Variants in ZNF705D observed in about 807,000 individuals in gnomAD.
ZNF705D encodes putative zinc finger protein 705C.
For missense variants in ZNF705D, 6 were observed against 129.4 expected (o/e 0.05, Z 4.63); for synonymous variants, 1 against 43.8 (o/e 0.02, Z 3.86).
the ZNF705D span, among the ~76,000 whole-genome samples, chr8:12,091,795 T>G: frequency 7.4e-4 from 20 of 26,910 alleles, 2 homozygotes; most frequent in Non-Finnish European, 1.1e-3. Flanking sequence ...ATTTTTTTTT[T>G]TTTGTTTTTT....
At chr8:12,113,110 TTGTCTTCTA>T in exon 5 of ZNF705D, 1 of 1,418,234 alleles carries the variant, frequency 7.1e-7, no homozygotes, top group Non-Finnish European at 9.6e-7. Context: ...AACCACATGC[TTGTCTTCTA>T]TGTGGGAAGG....
the ZNF705D span, among the ~76,000 whole-genome samples, chr8:12,090,068 A>G: frequency 0.47 from 33,796 of 72,218 alleles, 14,671 homozygotes; most frequent in Non-Finnish European, 0.84. Context: ...AGTTCTGGCC[A>G]GGAGGCTTCC....
At chr8:12,090,741 C>T in the ZNF705D span, among the ~76,000 whole-genome samples, 8 of 55,212 alleles carry the variant, frequency 1.4e-4, 4 homozygotes, top group East Asian at 0.058. Flanking sequence ...GGATCTTTGT[C>T]GAATGCATAG....
the ZNF705D span, among the ~76,000 whole-genome samples, chr8:12,097,546 CAGAG>C: frequency 4.7e-5 from 7 of 147,436 alleles, no homozygotes; most frequent in African/African-American, 2.4e-5. Flanking sequence ...ACCTGCGTGA[CAGAG>C]TTATTCATAC....
the ZNF705D span, among the ~76,000 whole-genome samples, chr8:12,091,821 G>A: frequency 4.4e-5 from 1 of 22,934 alleles, no homozygotes; most frequent in African/African-American, 8.6e-5. Flanking sequence ...TAGTAGAGAT[G>A]GAGTTTCTCC....
upstream of ZNF705D, among the ~76,000 whole-genome samples, chr8:12,107,341 G>A (rs1322711463): frequency 0.025 from 1,376 of 54,048 alleles, 109 homozygotes; most frequent in African/African-American, 0.066. Flanking sequence ...TCACTCTGTC[G>A]CCATCGCTGG....
chr8:12,090,681 G>GT, the ZNF705D span, among the ~76,000 whole-genome samples: 26 of 28,224 alleles, frequency 9.2e-4, 3 homozygotes, highest in Admixed American at 3.4e-3. Flanking sequence ...ATTTTTAAAG[G>GT]TTTTTTTTTT....
the ZNF705D span, among the ~76,000 whole-genome samples, chr8:12,097,596 C>A: frequency 1.4e-5 from 2 of 144,542 alleles, no homozygotes; most frequent in Non-Finnish European, 3.1e-5. Context: ...ACCCATGTAA[C>A]AAATCACACA....
chr8:12,090,164 CG>C, the ZNF705D span, among the ~76,000 whole-genome samples: 4 of 89,054 alleles, frequency 4.5e-5, no homozygotes, highest in African/African-American at 1.1e-4. Context: ...GCCACCCCCC[CG>C]ATGGATGTCT....
intron 2 of ZNF705D, among the ~76,000 whole-genome samples, 155 bp downstream of exon 4, chr8:12,110,181 T>G (rs1231269458): frequency 6.3e-5 from 1 of 15,868 alleles, no homozygotes; most frequent in Non-Finnish European, 2.2e-4. Flanking sequence ...AAATCTATCT[T>G]AAATAAATAT....
the ZNF705D span, among the ~76,000 whole-genome samples, chr8:12,091,790 T>G: frequency 7.6e-5 from 2 of 26,428 alleles, 1 homozygote; most frequent in African/African-American, 1.5e-4. Context: ...TTTGTATTTT[T>G]TTTTTTTTGT....
intron 2 of ZNF705D, among the ~76,000 whole-genome samples, chr8:12,110,530 G>T (rs1466249788): frequency 1.2e-4 from 2 of 16,894 alleles, no homozygotes; most frequent in African/African-American, 1.9e-4. Flanking sequence ...TGTGTATTAT[G>T]CATTGTGTCT....
At chr8:12,090,137 T>C in the ZNF705D span, among the ~76,000 whole-genome samples, 2 of 90,506 alleles carry the variant, frequency 2.2e-5, no homozygotes, top group African/African-American at 5.5e-5. Flanking sequence ...TGTGAAGTTT[T>C]ACCCCCTGCT....
chr8:12,090,009 T>C, the ZNF705D span, among the ~76,000 whole-genome samples: 2 of 62,970 alleles, frequency 3.2e-5, 1 homozygote, highest in Non-Finnish European at 9.0e-5. Context: ...TGGGCTTCAG[T>C]TCTTACCCCG....
At chr8:12,095,734 G>T in the ZNF705D span, among the ~76,000 whole-genome samples, 3 of 13,294 alleles carry the variant, frequency 2.3e-4, no homozygotes, top group African/African-American at 4.5e-4. Flanking sequence ...ATCTCTTTTG[G>T]CTCATCTCTT....
At chr8:12,090,184 A>G in the ZNF705D span, among the ~76,000 whole-genome samples, 3 of 90,684 alleles carry the variant, frequency 3.3e-5, 1 homozygote, top group African/African-American at 8.2e-5. Flanking sequence ...CTGCCGTGCC[A>G]GGCAGGAATG....
intron 1 of ZNF705D, among the ~76,000 whole-genome samples, chr8:12,109,683 AT>A (rs1260256980): frequency 3.6e-5 from 1 of 27,860 alleles, no homozygotes; most frequent in African/African-American, 7.5e-5. Flanking sequence ...CTCATGCAAT[AT>A]TTCTTTATAG....
At chr8:12,095,182 CT>C in the ZNF705D span, 8 of 1,135,606 alleles carry the variant, frequency 7.0e-6, no homozygotes, top group Admixed American at 5.2e-5. Context: ...GGCTTCAGTC[CT>C]TTTTGTGTGT....
upstream of ZNF705D, among the ~76,000 whole-genome samples, chr8:12,105,730 T>G (rs1211773783): frequency 4.9e-5 from 2 of 40,702 alleles, no homozygotes; most frequent in African/African-American, 2.1e-4. Context: ...GGAGTGAAAC[T>G]CTACCAAAAA....
Sources: gnomAD v4.1 joint callset for allele counts (sites outside exome capture counted in the v4.1 genomes callset) on GRCh38, gnomAD v4.1.1 for gene constraint, MANE v1.5 for transcripts, NCBI Gene and HGNC (gene_info 2026-07-23, HGNC 2026-07-21) for gene names.